The following SLCO1B3 variants were observed in gnomAD, a reference collection of about 807,000 sequenced individuals.
SLCO1B3 encodes the protein liver-specific organic anion transporter 2.
SLCO1B3 carries 72 observed loss-of-function variants against 71.8 expected under a neutral mutation model. The observed-to-expected ratio is 1.00, with a 90% CI of 0.83 to 1.22. The LOEUF is 1.22. SLCO1B3 is among the 50% of genes most tolerant of loss of function. SLCO1B3 has a pLI of 0.00. For synonymous variants in SLCO1B3, 298 were observed against 278.4 expected (o/e 1.07, Z -0.70); for missense variants, 911 against 819.7 (o/e 1.11, Z -1.36).
intron 8 of SLCO1B3, among the ~76,000 whole-genome samples, chr12:20,864,611 A>G (rs1212650577): frequency 6.6e-6 from 1 of 152,120 alleles, no homozygotes; most frequent in African/African-American, 2.4e-5. Context: ...CTCTACTTTA[A>G]TCATTGCTTT....
chr12:20,878,342 CATAAT>C (rs1203468823), intron 10 of SLCO1B3, among the ~76,000 whole-genome samples: 18 of 152,130 alleles, frequency 1.2e-4, no homozygotes, highest in Non-Finnish European at 2.9e-5. Context: ...TTACAAAAGA[CATAAT>C]ATTAATCTTT....
In SLCO1B3 at chr12:20,883,398, A is replaced by G; in HGVS notation, c.1498-20A>G. ...GTATTTGGCAAATGTATTTGTTAAT[A>G]TTTCAAAAACTATTTTTAGGTGTTT... On this transcript the variant is annotated intron_variant, in intron 12 of 15. Coordinates refer to ENST00000381545, the MANE Select transcript of SLCO1B3 (RefSeq NM_019844.4). The G allele has an allele frequency of 1.4e-6, 2 of 1,428,068 alleles. No homozygotes were observed. Among genetic ancestry groups the G allele is most frequent in the Non-Finnish European group, 1.9e-6 (2 of 1,061,946 alleles). 88.5% of individuals were successfully genotyped at this position (1,428,068 alleles called of 1,614,324 possible). A position where few individuals can be genotyped will look rare whatever the true frequency, so the allele number is the denominator to read the frequency against.
At chr12:20,859,229 G>A (rs1212432876) in intron 5 of SLCO1B3, among the ~76,000 whole-genome samples, 1 of 152,146 alleles carries the variant, frequency 6.6e-6, no homozygotes, top group Admixed American at 6.5e-5. Context: ...AGCTCCAGGA[G>A]CATTTTCAGA....
chr12:20,818,212 T>C (rs534265389), intron 3 of SLCO1B3, among the ~76,000 whole-genome samples: 2 of 152,242 alleles, frequency 1.3e-5, no homozygotes, highest in African/African-American at 4.8e-5. Context: ...GTGGTAAAAG[T>C]AGTGTCCAGT....
intron 15 of SLCO1B3, among the ~76,000 whole-genome samples, chr12:20,910,341 C>G (rs1479039814): frequency 2.6e-5 from 4 of 152,154 alleles, no homozygotes; most frequent in Non-Finnish European, 5.9e-5. Flanking sequence ...GTCACACTGT[C>G]TTGGTTGCTG....
At chr12:20,858,932 A>G (rs1461828637) in intron 5 of SLCO1B3, 1 of 155,774 alleles carries the variant, frequency 6.4e-6, no homozygotes, top group East Asian at 1.9e-4. Flanking sequence ...CTGCTGCTGT[A>G]CAGGTTTTCC....
At chr12:20,857,234 C>T (rs937247987) in intron 4 of SLCO1B3, among the ~76,000 whole-genome samples, 1 of 151,892 alleles carries the variant, frequency 6.6e-6, no homozygotes, top group Non-Finnish European at 1.5e-5. Context: ...AGCATGTATC[C>T]GAGACTCTAT....
chr12:20,911,808 AAT>A (rs1866382768), intron 15 of SLCO1B3, among the ~76,000 whole-genome samples: 1 of 152,058 alleles, frequency 6.6e-6, no homozygotes, highest in Admixed American at 6.6e-5. Context: ...GATATTAGTA[AAT>A]CGTGTCCTCC....
At chr12:20,884,147 G>A (rs1399147456) in intron 13 of SLCO1B3, among the ~76,000 whole-genome samples, 1 of 152,042 alleles carries the variant, frequency 6.6e-6, no homozygotes, top group Admixed American at 6.6e-5. Context: ...CAGTTATTTA[G>A]ACAGGATATG....
intron 4 of SLCO1B3, 37 bp downstream of exon 4, chr12:20,855,206 C>T: frequency 6.4e-7 from 1 of 1,553,366 alleles, no homozygotes; most frequent in Non-Finnish European, 8.8e-7. Flanking sequence ...ACCATACTTG[C>T]ATAAGTTGAA....
intron 8 of SLCO1B3, among the ~76,000 whole-genome samples, chr12:20,864,137 CTTT>C (rs1190650705): frequency 6.6e-6 from 1 of 152,064 alleles, no homozygotes; most frequent in African/African-American, 2.4e-5. Context: ...ACTTTTCTCT[CTTT>C]TTTATTTTTA....
intron 8 of SLCO1B3, among the ~76,000 whole-genome samples, chr12:20,872,062 T>C (rs190906115): frequency 4.6e-5 from 7 of 152,088 alleles, no homozygotes; most frequent in African/African-American, 7.2e-5. Context: ...GTAATAGATA[T>C]CTGTTTTACT....
At chr12:20,844,841 C>T (rs1167434174) in intron 3 of SLCO1B3, among the ~76,000 whole-genome samples, 1 of 151,918 alleles carries the variant, frequency 6.6e-6, no homozygotes, top group Non-Finnish European at 1.5e-5. Flanking sequence ...ACCAGCCTGG[C>T]CAACATGGTG....
intron 15 of SLCO1B3, among the ~76,000 whole-genome samples, chr12:20,905,446 A>C (rs1433986945): frequency 6.6e-6 from 1 of 152,230 alleles, no homozygotes; most frequent in Non-Finnish European, 1.5e-5. Context: ...CCAAACATTT[A>C]AATGTAAGTT....
intron 13 of SLCO1B3, among the ~76,000 whole-genome samples, chr12:20,888,150 G>GT (rs1865827497): frequency 6.6e-6 from 1 of 151,926 alleles, no homozygotes; most frequent in Admixed American, 6.6e-5. Flanking sequence ...TTTGAAGTCA[G>GT]GTAATGTGAT....
intron 3 of SLCO1B3, among the ~76,000 whole-genome samples, chr12:20,842,797 T>C (rs1034471969): frequency 1.3e-5 from 2 of 152,190 alleles, no homozygotes; most frequent in Non-Finnish European, 2.9e-5. Flanking sequence ...GCAAATACTG[T>C]AGCATATTGC....
intron 15 of SLCO1B3, among the ~76,000 whole-genome samples, chr12:20,915,115 C>T (rs879860334): frequency 6.6e-6 from 1 of 151,870 alleles, no homozygotes. Context: ...TTTCATTTTC[C>T]CCTTCAAGTA....
At chr12:20,879,894 C>G (rs1056667343) in intron 11 of SLCO1B3, among the ~76,000 whole-genome samples, 5 of 151,792 alleles carry the variant, frequency 3.3e-5, no homozygotes, top group African/African-American at 1.2e-4. Context: ...CACTTTTACC[C>G]CAATTTTATA....
rs2120489399 is a variant in SLCO1B3 at position 20,916,614 on chromosome 12, G to C, written c.*367G>C. 6.4e-6 allele frequency: 1 copy of C among 155,236 alleles called. No homozygotes were observed. Among genetic ancestry groups the C allele is most frequent in the Admixed American group, 6.4e-5 (1 of 15,606 alleles). 9.6% of individuals were successfully genotyped at this position (155,236 alleles called of 1,614,324 possible). A position where few individuals can be genotyped will look rare whatever the true frequency, so the allele number is the denominator to read the frequency against. ...GCCTTTAAAAAAAATGAAACACTTT[G>C]GATGTATTACTTAGGCCAAAATCTG... On this transcript the variant is annotated 3_prime_UTR_variant, in exon 16 of 16. Coordinates refer to ENST00000381545, the MANE Select transcript of SLCO1B3 (RefSeq NM_019844.4).
Sources: allele counts gnomAD v4.1 joint callset (sites outside exome capture counted in the v4.1 genomes callset), GRCh38; gene constraint gnomAD v4.1.1; transcripts MANE v1.5; gene names NCBI Gene and HGNC (gene_info 2026-07-23, HGNC 2026-07-21).